DOCK2: variants seen among roughly 807,000 people sequenced by gnomAD.
DOCK2 encodes dedicator of cytokinesis protein 2.
DOCK2 carries 87 observed loss-of-function variants against 248.9 expected under a neutral mutation model. The observed-to-expected ratio is 0.35, with a 90% CI of 0.29 to 0.42. DOCK2 has a LOEUF of 0.42. Ranked by LOEUF, DOCK2 falls within the 10% of genes least tolerant of loss-of-function variation. The pLI, the probability that DOCK2 is intolerant of heterozygous loss-of-function variation, is 1.00. For missense variants in DOCK2, 1,747 were observed against 2,300.2 expected (o/e 0.76, Z 4.92); for synonymous variants, 805 against 821.6 (o/e 0.98, Z 0.35).
intron 26 of DOCK2, among the ~76,000 whole-genome samples, chr5:169,834,867 A>G (rs1769462087): frequency 6.6e-6 from 1 of 152,204 alleles, no homozygotes; most frequent in Admixed American, 6.5e-5. Context: ...ACAAGCAAAC[A>G]GAAGCAAATC....
At chr5:169,843,306 C>CTT (rs61654522) in intron 27 of DOCK2, among the ~76,000 whole-genome samples, 2 of 151,696 alleles carry the variant, frequency 1.3e-5, no homozygotes, top group South Asian at 2.1e-4. Context: ...CTCTCTTTAC[C>CTT]TTTTTTTTAA....
intron 25 of DOCK2, among the ~76,000 whole-genome samples, chr5:169,770,111 C>A (rs1765003409): frequency 1.3e-5 from 2 of 152,004 alleles, no homozygotes; most frequent in African/African-American, 2.4e-5. Context: ...CAAAATACAT[C>A]TTATTATTGA....
intron 24 of DOCK2, among the ~76,000 whole-genome samples, chr5:169,761,046 A>G (rs1178655263): frequency 1.3e-5 from 2 of 152,360 alleles, no homozygotes; most frequent in African/African-American, 4.8e-5. Context: ...AAGACTTATC[A>G]TAAAGCATTA....
intron 25 of DOCK2, among the ~76,000 whole-genome samples, chr5:169,790,457 A>G (rs775793993): frequency 4.6e-5 from 7 of 152,252 alleles, no homozygotes; most frequent in Non-Finnish European, 8.8e-5. Flanking sequence ...GAAAATGGAA[A>G]TCTGAGGCAT....
At position 169,914,701 on chromosome 5, in the gene DOCK2, A is replaced by G. The variant is rs77891941; in HGVS notation, c.2800-68367A>G. Among the ~76,000 whole-genome samples the G allele has an allele frequency of 2.6e-5, 4 of 152,352 alleles. No individual in the cohort carries two copies. In the East Asian group the frequency reaches 7.7e-4, roughly 29 times the overall value. ...CTGGGCCCACATCCCCATCTAAGGC[A>G]TCAATCCCTGCAGGAGGAGCAGTTC... On this transcript the variant is annotated intron_variant, in intron 27 of 51. Transcript: ENST00000520908.
intron 27 of DOCK2, among the ~76,000 whole-genome samples, chr5:169,936,702 G>A (rs1042462542): frequency 6.6e-6 from 1 of 151,654 alleles, no homozygotes; most frequent in Non-Finnish European, 1.5e-5. Flanking sequence ...CTCCTGGGGG[G>A]CGCGCTCCAG....
intron 22 of DOCK2, among the ~76,000 whole-genome samples, chr5:169,739,523 AT>A (rs1368773506): frequency 6.6e-6 from 1 of 152,246 alleles, no homozygotes; most frequent in African/African-American, 2.4e-5. Flanking sequence ...AAATCAGAAT[AT>A]AAAATAAGTG....
Position 169,877,012 on chromosome 5 carries a change from CA to C in DOCK2, c.2799+36161del, listed in dbSNP as rs1409385310. 5.9e-5 allele frequency among the ~76,000 whole-genome samples: 9 copies of C among 152,322 alleles called. No individual in the cohort carries two copies. The East Asian group carries it at 1.7e-3, about 29-fold the overall frequency. On this transcript the variant is annotated intron_variant, in intron 27 of 51. Coordinates refer to ENST00000520908, the MANE Select transcript of DOCK2 (RefSeq NM_004946.3). ...CAATGCAATAGGATCAGTGACCTAG[CA>C]GATGAGGGCTCATGGCATGGGGGTC...
intron 19 of DOCK2, 145 bp from the exon 20 acceptor site, chr5:169,716,068 G>T (rs754653518): frequency 1.5e-6 from 1 of 682,264 alleles, no homozygotes; most frequent in Non-Finnish European, 2.4e-6. Context: ...TGGCTCTCGT[G>T]AGTAAAACTA....
chr5:169,800,304 T>C (rs1339152686), intron 25 of DOCK2, among the ~76,000 whole-genome samples: 1 of 152,188 alleles, frequency 6.6e-6, no homozygotes, highest in African/African-American at 2.4e-5. Flanking sequence ...CAAGAGAATA[T>C]AACCCTAGAT....
At chr5:169,940,452 A>G (rs1267227390) in intron 27 of DOCK2, among the ~76,000 whole-genome samples, 1 of 152,208 alleles carries the variant, frequency 6.6e-6, no homozygotes, top group East Asian at 1.9e-4. Flanking sequence ...ATTCAAGCAC[A>G]TTACATTTAT....
intron 1 of DOCK2, among the ~76,000 whole-genome samples, chr5:169,653,598 G>A (rs1205874108): frequency 1.3e-5 from 2 of 152,148 alleles, no homozygotes; most frequent in Non-Finnish European, 2.9e-5. Flanking sequence ...CAATGGTGCT[G>A]TGCTGGTCGG....
chr5:169,969,479 C>T (rs1028199838), intron 27 of DOCK2, among the ~76,000 whole-genome samples: 4 of 152,112 alleles, frequency 2.6e-5, no homozygotes, highest in Non-Finnish European at 4.4e-5. Context: ...ATGAATTGGA[C>T]TTCATTTGTG....
chr5:169,845,640 G>A (rs1217943666), intron 27 of DOCK2, among the ~76,000 whole-genome samples: 1 of 152,138 alleles, frequency 6.6e-6, no homozygotes. Context: ...TCTAAATGTG[G>A]GAATCCACAT....
intron 27 of DOCK2, among the ~76,000 whole-genome samples, chr5:169,972,583 AG>A (rs1777554053): frequency 2.7e-4 from 13 of 47,792 alleles, no homozygotes; most frequent in East Asian, 1.4e-3. Context: ...ATAGATAGAT[AG>A]ATGATAGATA....
At chr5:170,047,451 A>T in intron 39 of DOCK2, 59 bp from the exon 40 acceptor site, 2 of 1,495,890 alleles carry the variant, frequency 1.3e-6, no homozygotes, top group Non-Finnish European at 1.8e-6. Flanking sequence ...GGCCTCTTTG[A>T]GTTGAATGTG....
chr5:169,823,577 C>T (rs554039819), intron 26 of DOCK2, among the ~76,000 whole-genome samples: 1 of 152,148 alleles, frequency 6.6e-6, no homozygotes, highest in Non-Finnish European at 1.5e-5. Flanking sequence ...GCAGCCCTTC[C>T]TGCTAAAAAC....
chr5:169,815,441 T>C (rs1182496652), intron 26 of DOCK2, among the ~76,000 whole-genome samples: 3 of 152,178 alleles, frequency 2.0e-5, no homozygotes, highest in Non-Finnish European at 2.9e-5. Context: ...CACGATGGCC[T>C]CACACACTCC....
intron 27 of DOCK2, among the ~76,000 whole-genome samples, chr5:169,970,793 G>A (rs1777474753): frequency 6.6e-6 from 1 of 152,174 alleles, no homozygotes; most frequent in South Asian, 2.1e-4. Context: ...AGTAGATATG[G>A]GGCTTTAATA....
Sources: allele counts gnomAD v4.1 joint callset (sites outside exome capture counted in the v4.1 genomes callset), GRCh38; gene constraint gnomAD v4.1.1; transcripts MANE v1.5; gene names NCBI Gene and HGNC (gene_info 2026-07-23, HGNC 2026-07-21).